The following VPS13B variants were observed in gnomAD, a reference collection of about 807,000 sequenced individuals.
VPS13B encodes vacuolar protein sorting 13 homolog B.
A neutral mutation model predicts 426.4 loss-of-function variants in VPS13B; 285 were observed. The observed-to-expected ratio is 0.67, with a 90% confidence interval of 0.61 to 0.74. The LOEUF (loss-of-function observed/expected upper bound fraction) is 0.74. Ranked by LOEUF, VPS13B falls within the 30% of genes least tolerant of loss-of-function variation. The probability of loss-of-function intolerance (pLI) is 0.00; values close to 1 mark genes in which losing one functional copy is unlikely to be tolerated. For synonymous variants in VPS13B, 1,676 were observed against 1,676.4 expected (o/e 1.00, Z 0.01); for missense variants, 4,537 against 4,782.6 (o/e 0.95, Z 1.51).
At chr8:99,067,750 A>G (rs1844615173) in intron 3 of VPS13B, among the ~76,000 whole-genome samples, 1 of 152,184 alleles carries the variant, frequency 6.6e-6, no homozygotes, top group African/African-American at 2.4e-5. Context: ...TTTAACCTTT[A>G]CTTCAATTCC....
chr8:99,831,372 G>A (rs916106029), intron 51 of VPS13B, among the ~76,000 whole-genome samples: 20 of 152,052 alleles, frequency 1.3e-4, no homozygotes, highest in African/African-American at 3.9e-4. Context: ...GTACCCAGCC[G>A]TAAGGAGAGG....
chr8:99,254,008 T>G (rs1161370335), intron 17 of VPS13B, among the ~76,000 whole-genome samples: 1 of 152,202 alleles, frequency 6.6e-6, no homozygotes, highest in Admixed American at 6.5e-5. Context: ...TACTTGCTCT[T>G]ATGTTCCTTT....
chr8:99,573,782 G>A (rs956890486), intron 31 of VPS13B, among the ~76,000 whole-genome samples: 13 of 152,214 alleles, frequency 8.5e-5, no homozygotes, highest in African/African-American at 3.1e-4. Context: ...TGGCAATGAG[G>A]GCTCTTTTTT....
chr8:99,831,140 T>A (rs1269574320), intron 51 of VPS13B, among the ~76,000 whole-genome samples: 2 of 147,768 alleles, frequency 1.4e-5, no homozygotes, highest in Admixed American at 1.4e-4. Context: ...TGGCATGATC[T>A]TGGCTCACTT....
At chr8:99,722,346 G>A (rs971620645) in intron 39 of VPS13B, among the ~76,000 whole-genome samples, 3 of 152,102 alleles carry the variant, frequency 2.0e-5, no homozygotes, top group Non-Finnish European at 2.9e-5. Flanking sequence ...TCTACTGTTA[G>A]AAAATAAGCT....
intron 39 of VPS13B, among the ~76,000 whole-genome samples, chr8:99,749,595 G>A (rs192056628): frequency 6.6e-6 from 1 of 152,106 alleles, no homozygotes; most frequent in Non-Finnish European, 1.5e-5. Flanking sequence ...TGGCTGAGTA[G>A]TACTCCATTG....
chr8:99,511,608 C>A, intron 29 of VPS13B, 96 bp downstream of exon 29: 1 of 1,262,572 alleles, frequency 7.9e-7, no homozygotes, highest in Non-Finnish European at 1.1e-6. Context: ...AAAATATGAG[C>A]AGTTGGTTGT....
intron 39 of VPS13B, among the ~76,000 whole-genome samples, chr8:99,731,448 C>T (rs1015584087): frequency 6.6e-6 from 1 of 152,118 alleles, no homozygotes; most frequent in Non-Finnish European, 1.5e-5. Context: ...CTCAGTTTGT[C>T]GATTTCATAA....
intron 51 of VPS13B, among the ~76,000 whole-genome samples, chr8:99,827,377 C>G (rs780549789): frequency 1.3e-5 from 2 of 152,178 alleles, no homozygotes; most frequent in African/African-American, 4.8e-5. Context: ...ATAGTATTCT[C>G]TGATGGTAGT....
chr8:99,262,313 G>GA (rs1554698799), intron 17 of VPS13B, among the ~76,000 whole-genome samples: 1 of 152,094 alleles, frequency 6.6e-6, no homozygotes, highest in African/African-American at 2.4e-5. Context: ...CACTACATCT[G>GA]TTTTTTGCTG....
intron 56 of VPS13B, among the ~76,000 whole-genome samples, chr8:99,858,610 A>G (rs912812414): frequency 5.3e-5 from 8 of 152,148 alleles, no homozygotes; most frequent in African/African-American, 1.9e-4. Context: ...GCTTGAACCC[A>G]GGAGTCAGAG....
intron 19 of VPS13B, among the ~76,000 whole-genome samples, chr8:99,358,688 A>T (rs994602744): frequency 6.6e-6 from 1 of 152,232 alleles, no homozygotes. Flanking sequence ...ACTTTAGGAC[A>T]CATCTGAAGA....
Position 99,246,277 on chromosome 8 carries a change from G to A in VPS13B, c.2516-27921G>A, listed in dbSNP as rs373087244. On this transcript the variant is annotated intron_variant, in intron 17 of 61. Coordinates refer to ENST00000357162, the MANE Select transcript of VPS13B (RefSeq NM_152564.5). ...TACCTGTTGTTTTGAAATCTCTGAG[G>A]ATGGGGCCTGGATGTTGATCTTTCA... Among the ~76,000 whole-genome samples, 36 of 152,304 alleles carry A rather than the reference G, an allele frequency of 2.4e-4. No individual in the cohort carries two copies. In the East Asian group the frequency reaches 6.6e-3, roughly 28 times the overall value.
intron 3 of VPS13B, among the ~76,000 whole-genome samples, chr8:99,045,458 TG>T (rs1843187508): frequency 6.6e-6 from 1 of 152,206 alleles, no homozygotes; most frequent in Non-Finnish European, 1.5e-5. Flanking sequence ...ATTAGTCCGT[TG>T]TCAGATGTAT....
At chr8:99,718,809 A>G (rs568667910) in intron 37 of VPS13B, among the ~76,000 whole-genome samples, 2 of 151,736 alleles carry the variant, frequency 1.3e-5, no homozygotes, top group African/African-American at 4.8e-5. Flanking sequence ...CAGGACCACA[A>G]GCATGCACCA....
At chr8:99,294,988 G>T (rs970750354) in intron 19 of VPS13B, among the ~76,000 whole-genome samples, 6 of 152,122 alleles carry the variant, frequency 3.9e-5, no homozygotes, top group African/African-American at 1.4e-4. Flanking sequence ...TTTAGTTGAT[G>T]TGTTAAAAAT....
rs748531719 is a variant in VPS13B, at chr8:99,121,347, G to C, written c.1108G>C (p.Asp370His). 2.1e-5 allele frequency: 34 copies of C among 1,614,032 alleles called. 1 individual carries two copies. In the South Asian group the frequency reaches 3.2e-4, roughly 15 times the overall value. ...TGGCGAGGAAGACTTTGTTGGGAAC[G>C]ATCCTGCATCAACCATGCATCAACA... ...DDGEEDFVGN[D>H]PASTMHQQKA... Residue 370 changes from aspartate (D) to histidine (H), a missense_variant, in exon 8 of 62, where the codon GAT (aspartate) becomes CAT (histidine). Around this residue, in one of 2 missense-constraint regions of VPS13B, gnomAD observed 4,311 missense variants for 4,474.3 expected, o/e 0.96. Coordinates refer to ENST00000357162, the MANE Select transcript of VPS13B (RefSeq NM_152564.5).
In VPS13B at chr8:99,593,354, A is replaced by G. The variant is rs374366084; in HGVS notation, c.5220+15721A>G. Among the ~76,000 whole-genome samples, 8 of 152,254 alleles carry G rather than the reference A, an allele frequency of 5.3e-5. No individual in the cohort carries two copies. The South Asian group carries it at 1.0e-3, about 20-fold the overall frequency. The stretch of plus-strand genomic sequence containing the variant: ...TAGAGAAAGGCAAATCAAAACCACA[A>G]TGAGATACCATCTCACACCAGTCAG... On this transcript the variant is annotated intron_variant, in intron 33 of 61. Coordinates refer to ENST00000357162, the MANE Select transcript of VPS13B (RefSeq NM_152564.5).
Position 99,615,719 on chromosome 8 carries a change from G to A in VPS13B, c.5221-26092G>A, listed in dbSNP as rs76834735. 1.0e-2 allele frequency among the ~76,000 whole-genome samples: 1,515 copies of A among 152,158 alleles called. 32 individuals are homozygous for A. The highest frequency in any genetic ancestry group is 0.035 in the African/African-American group (1,451 of 41,524). ...GTTTTGCCACACCTGATGGAATCAT[G>A]GTCAAGTCACTTTACCTCTCTGGGC... On this transcript the variant is annotated intron_variant, in intron 33 of 61. Transcript: ENST00000357162.
Sources: allele counts gnomAD v4.1 joint callset (sites outside exome capture counted in the v4.1 genomes callset), GRCh38; gene constraint gnomAD v4.1.1; regional missense constraint gnomAD v4.1.1; transcripts MANE v1.5; gene names NCBI Gene and HGNC (gene_info 2026-07-23, HGNC 2026-07-21).